LITAF: variants seen among roughly 807,000 people sequenced by gnomAD.
LITAF encodes lipopolysaccharide induced TNF factor.
In LITAF, 9 loss-of-function variants were observed where a neutral mutation model predicts 14.5. That is an observed-to-expected ratio of 0.62 (90% CI 0.37 to 1.08). The LOEUF (loss-of-function observed/expected upper bound fraction) is 1.08, where lower values mean the gene tolerates loss of function less well. Among genes scored for constraint, LITAF ranks in the 50% least tolerant of loss-of-function variants. The probability of loss-of-function intolerance (pLI) is 0.01; values close to 1 mark genes in which losing one functional copy is unlikely to be tolerated. For synonymous variants in LITAF, 98 were observed against 88.2 expected (o/e 1.11, Z -0.62); for missense variants, 206 against 213.4 (o/e 0.97, Z 0.22).
intron 3 of LITAF, among the ~76,000 whole-genome samples, chr16:11,617,923 T>C (rs2065028315): frequency 6.6e-6 from 1 of 152,078 alleles, no homozygotes; most frequent in Admixed American, 6.6e-5. Flanking sequence ...CAGGCTGGAA[T>C]GTAGCAGCTC....
rs1293777746 is a variant in LITAF, at chr16:11,553,792, T to C, written c.221-103A>G. ...AACGCAGGGATGCCAGCAAATATTA[T>C]ATTTGTACATTTGTGTTCATAGCAT... On this transcript the variant is annotated intron_variant, in intron 2 of 3. Transcript: ENST00000622633. This position sits in a 1 kb window ranked among gnomAD's most constrained non-coding sequence, Gnocchi z 7.7. 1 of 1,323,004 alleles carries C rather than the reference T, an allele frequency of 7.6e-7. No homozygotes were observed. 82.0% of individuals were successfully genotyped at this position (1,323,004 alleles called of 1,614,324 possible).
At chr16:11,626,268 T>C (rs2065083384) in intron 3 of LITAF, among the ~76,000 whole-genome samples, 1 of 152,134 alleles carries the variant, frequency 6.6e-6, no homozygotes, top group African/African-American at 2.4e-5. Flanking sequence ...AACCTCTGCC[T>C]CCCAGGTTCA....
chr16:11,564,783 G>T (rs1178555889), intron 1 of LITAF, among the ~76,000 whole-genome samples: 1 of 152,064 alleles, frequency 6.6e-6, no homozygotes, highest in Non-Finnish European at 1.5e-5. Flanking sequence ...AATGAACCTC[G>T]AAAGCACAAA....
At chr16:11,609,594 A>AT (rs2064972063) in intron 3 of LITAF, among the ~76,000 whole-genome samples, 1 of 152,208 alleles carries the variant, frequency 6.6e-6, no homozygotes, top group African/African-American at 2.4e-5. Context: ...AGAAAAAGGG[A>AT]TAAAGGGAGC....
Position 11,564,509 on chromosome 16 carries a change from G to A in LITAF, c.-5-7774C>T, listed in dbSNP as rs578226398. ...CGCGCCCAAAACGGGTTCATTCAAC[G>A]TTTGCACAATCAAACCTGCAGGTCA... On this transcript the variant is annotated intron_variant, in intron 1 of 3. Transcript: ENST00000622633. Among the ~76,000 whole-genome samples, 9 of 151,992 alleles carry A rather than the reference G, an allele frequency of 5.9e-5. No homozygotes were observed. The South Asian group carries it at 1.9e-3, about 32-fold the overall frequency.
chr16:11,577,404 A>C (rs538748806), intron 1 of LITAF, among the ~76,000 whole-genome samples: 1 of 142,700 alleles, frequency 7.0e-6, no homozygotes, highest in South Asian at 2.2e-4. Flanking sequence ...TGCAAGCTCC[A>C]CCTTCCAGGT....
intron 3 of LITAF, among the ~76,000 whole-genome samples, chr16:11,616,670 A>G (rs1426389046): frequency 2.0e-5 from 3 of 152,054 alleles, no homozygotes; most frequent in Non-Finnish European, 4.4e-5. Context: ...GCCTTTGAAC[A>G]CAAATCCCTT....
chr16:11,626,059 C>G (rs1425560233), intron 3 of LITAF, among the ~76,000 whole-genome samples: 1 of 152,052 alleles, frequency 6.6e-6, no homozygotes, highest in Non-Finnish European at 1.5e-5. Context: ...CTCAGGAGTT[C>G]CAGAGACTGG....
At chr16:11,590,304 A>C (rs2064840165), upstream of LITAF, among the ~76,000 whole-genome samples, 2 of 118,246 alleles carry the variant, frequency 1.7e-5, 1 homozygote. Context: ...AAAGTGGTAT[A>C]TCAGTCAGAA....
rs1056900424 is a variant in LITAF at position 11,586,181 on chromosome 16, C to T, written c.-6+705G>A. 1.3e-5 allele frequency: 2 copies of T among 152,366 alleles called. No individual in the cohort carries two copies. Among genetic ancestry groups the T allele is most frequent in the African/African-American group, 4.8e-5 (2 of 41,436 alleles). The allele number at this position is 152,366 out of a possible 1,614,324, so 9.4% of individuals were successfully genotyped here. On this transcript the variant is annotated intron_variant, in intron 1 of 3. Coordinates refer to ENST00000622633, the MANE Select transcript of LITAF (RefSeq NM_001136472.2). This position sits in a 1 kb window ranked among gnomAD's most constrained non-coding sequence, Gnocchi z 6.5. Reference sequence around the variant, plus strand: ...CGGTGGACGGTGAGCGGCGTCTGGGCCCAGAGCTGGGTGCCATCAGCAGTA... The same window carrying T: ...CGGTGGACGGTGAGCGGCGTCTGGGTCCAGAGCTGGGTGCCATCAGCAGTA...
intron 3 of LITAF, among the ~76,000 whole-genome samples, chr16:11,623,635 G>A (rs1258215597): frequency 6.6e-6 from 1 of 151,550 alleles, no homozygotes; most frequent in Non-Finnish European, 1.5e-5. Context: ...ACTCTAGCCT[G>A]GGTGACAGAG....
chr16:11,584,750 C>T (rs535056150), intron 1 of LITAF, among the ~76,000 whole-genome samples: 2 of 152,284 alleles, frequency 1.3e-5, no homozygotes, highest in South Asian at 2.1e-4. Flanking sequence ...ACTTTCTACC[C>T]ATTGCGTAAA....
chr16:11,606,154 G>A (rs1447045475), intron 3 of LITAF, among the ~76,000 whole-genome samples: 1 of 151,930 alleles, frequency 6.6e-6, no homozygotes, highest in African/African-American at 2.4e-5. Context: ...CTCTGCCCCT[G>A]GATTTTTTTT....
At chr16:11,570,787 G>A (rs1270744138) in intron 1 of LITAF, among the ~76,000 whole-genome samples, 1 of 151,972 alleles carries the variant, frequency 6.6e-6, no homozygotes, top group Non-Finnish European at 1.5e-5. Context: ...TAGCGCACAT[G>A]TATCATCCCA....
chr16:11,569,390 G>A (rs59098278), intron 1 of LITAF, among the ~76,000 whole-genome samples: 1 of 152,108 alleles, frequency 6.6e-6, no homozygotes, highest in Non-Finnish European at 1.5e-5. Context: ...ACAGGCACAT[G>A]CCACCATGCC....
intron 3 of LITAF, among the ~76,000 whole-genome samples, chr16:11,614,502 G>A: frequency 6.6e-6 from 1 of 152,084 alleles, no homozygotes; most frequent in East Asian, 1.9e-4. Context: ...GTTTCACCAT[G>A]TTGGCCAGGC....
chr16:11,611,293 C>T (rs541377324), intron 3 of LITAF, among the ~76,000 whole-genome samples: 1 of 152,068 alleles, frequency 6.6e-6, no homozygotes, highest in Non-Finnish European at 1.5e-5. Flanking sequence ...CAATGAGCCA[C>T]GATCACCCCC....
chr16:11,638,015 T>G (rs1482152917), upstream of LITAF, among the ~76,000 whole-genome samples: 22 of 108,570 alleles, frequency 2.0e-4, 1 homozygote, highest in Non-Finnish European at 3.0e-4. Flanking sequence ...TATATATATC[T>G]ATATATATCT....
intron 3 of LITAF, among the ~76,000 whole-genome samples, chr16:11,623,036 T>C (rs1479327235): frequency 6.6e-6 from 1 of 151,454 alleles, no homozygotes; most frequent in Non-Finnish European, 1.5e-5. Flanking sequence ...TGATCTCGGC[T>C]CACTGCAAGC....
Sources: allele counts gnomAD v4.1 joint callset (sites outside exome capture counted in the v4.1 genomes callset), GRCh38; gene constraint gnomAD v4.1.1; non-coding constraint Gnocchi (gnomAD v3.1); transcripts MANE v1.5; gene names NCBI Gene and HGNC (gene_info 2026-07-23, HGNC 2026-07-21).